The following AFG3L2 variants were observed in gnomAD, a reference collection of about 807,000 sequenced individuals.
AFG3L2 encodes the protein mitochondrial inner membrane m-AAA protease component AFG3L2.
Under a neutral mutation model 94.5 loss-of-function variants are expected in AFG3L2, and 54 were observed. That is an observed-to-expected ratio of 0.57 (90% CI 0.46 to 0.72). AFG3L2 has a LOEUF of 0.72. Among genes scored for constraint, AFG3L2 ranks in the 30% least tolerant of loss-of-function variants. The pLI, the probability that AFG3L2 is intolerant of heterozygous loss-of-function variation, is 0.00. For synonymous variants in AFG3L2, 377 were observed against 365.5 expected, an observed-to-expected ratio of 1.03 and a Z score of -0.36; for missense variants, 754 against 994.9, an observed-to-expected ratio of 0.76 and a Z score of 3.26.
intron 7 of AFG3L2, 69 bp from the exon 8 acceptor site, chr18:12,359,012 A>AT: frequency 6.5e-7 from 1 of 1,548,988 alleles, no homozygotes. Flanking sequence ...GTGGTGCAAG[A>AT]TATCAATATA....
At chr18:12,364,121 G>A (rs755614308) in intron 5 of AFG3L2, among the ~76,000 whole-genome samples, 3 of 152,166 alleles carry the variant, frequency 2.0e-5, no homozygotes, top group Admixed American at 6.5e-5. Flanking sequence ...AACCCTACAC[G>A]ATATGCACAT....
chr18:12,370,575 A>G (rs898729107), intron 3 of AFG3L2, among the ~76,000 whole-genome samples: 2 of 148,162 alleles, frequency 1.3e-5, no homozygotes, highest in African/African-American at 5.0e-5. Context: ...CTCCCACCTC[A>G]GCCTCCCAGG....
At chr18:12,337,044 A>G (rs1244551295) in intron 16 of AFG3L2, 2 of 589,056 alleles carry the variant, frequency 3.4e-6, no homozygotes, top group African/African-American at 3.7e-5. Context: ...AGTACTGTGA[A>G]CTATCTGGTG....
intron 8 of AFG3L2, 122 bp from the exon 9 acceptor site, chr18:12,356,953 C>G: frequency 1.1e-6 from 1 of 946,132 alleles, no homozygotes; most frequent in Non-Finnish European, 1.6e-6. Flanking sequence ...TTAAATATTA[C>G]TTAAACATCT....
chr18:12,347,349 C>T (rs1451750843), intron 13 of AFG3L2, among the ~76,000 whole-genome samples: 1 of 152,188 alleles, frequency 6.6e-6, no homozygotes, highest in East Asian at 1.9e-4. Flanking sequence ...GCACACCCCT[C>T]CTCTTCCGTG....
intron 12 of AFG3L2, 60 bp downstream of exon 12, chr18:12,351,025 T>C (rs1908297873): frequency 1.2e-6 from 2 of 1,600,836 alleles, no homozygotes. Flanking sequence ...AACCGGTACC[T>C]GGTAACTGTT....
At chr18:12,371,713 A>T in intron 1 of AFG3L2, 22 bp from the exon 2 acceptor site, 1 of 1,597,752 alleles carries the variant, frequency 6.3e-7, no homozygotes, top group East Asian at 2.2e-5. Context: ...CATAAAAATA[A>T]AACCATAGTT....
At chr18:12,330,759 C>T (rs553395259) in intron 16 of AFG3L2, among the ~76,000 whole-genome samples, 3 of 150,486 alleles carry the variant, frequency 2.0e-5, no homozygotes, top group Admixed American at 6.6e-5. Flanking sequence ...GCAGCCTGGG[C>T]AACAGAGCAA....
chr18:12,357,315 G>A (rs1908525945), intron 8 of AFG3L2, among the ~76,000 whole-genome samples: 1 of 152,132 alleles, frequency 6.6e-6, no homozygotes, highest in African/African-American at 2.4e-5. Flanking sequence ...TAGCATGGTT[G>A]GACGTGCAAC....
chr18:12,364,675 C>T (rs538902419), intron 5 of AFG3L2, among the ~76,000 whole-genome samples: 2 of 152,010 alleles, frequency 1.3e-5, no homozygotes, highest in African/African-American at 2.4e-5. Context: ...ATATAGGATC[C>T]TTTTTTTATT....
chr18:12,368,140 C>A (rs1444349110), intron 3 of AFG3L2, among the ~76,000 whole-genome samples: 1 of 151,492 alleles, frequency 6.6e-6, no homozygotes. Context: ...GCACTCCAGC[C>A]TGGGCAACAA....
intron 16 of AFG3L2, among the ~76,000 whole-genome samples, chr18:12,332,039 A>G (rs2143084649): frequency 6.6e-6 from 1 of 152,164 alleles, no homozygotes; most frequent in Admixed American, 6.5e-5. Flanking sequence ...TATCATGAGA[A>G]GAGGGAACAG....
At chr18:12,344,911 A>C (rs56371539) in intron 13 of AFG3L2, among the ~76,000 whole-genome samples, 12,997 of 152,280 alleles carry the variant, frequency 0.085, 752 homozygotes, top group Non-Finnish European at 0.13. Flanking sequence ...AGGTCATTTT[A>C]AAACACGCAA....
chr18:12,350,461 T>C (rs1334321822), intron 12 of AFG3L2, among the ~76,000 whole-genome samples: 1 of 152,118 alleles, frequency 6.6e-6, no homozygotes, highest in Admixed American at 6.6e-5. Context: ...ACAATATTTA[T>C]AGAAAAAAAT....
chr18:12,365,828 C>T lies in AFG3L2; in HGVS notation c.552+1137G>A, dbSNP rs1238750405. 6.6e-5 allele frequency among the ~76,000 whole-genome samples: 10 copies of T among 151,198 alleles called. No homozygotes were observed. In the East Asian group the frequency reaches 1.6e-3, roughly 23 times the overall value. ...GTTAAGGGGTTTCCCCAAGGCTACA[C>T]AGCAGGCCTAATTCTGGTGTCTATC... On this transcript the variant is annotated intron_variant, in intron 5 of 16. Coordinates refer to ENST00000269143, the MANE Select transcript of AFG3L2 (RefSeq NM_006796.3).
At chr18:12,341,804 T>A (rs1275753689) in intron 14 of AFG3L2, 1 of 152,236 alleles carries the variant, frequency 6.6e-6, no homozygotes, top group Non-Finnish European at 1.5e-5. Flanking sequence ...TCTACCTTAA[T>A]AAGAAACTGC....
intron 16 of AFG3L2, among the ~76,000 whole-genome samples, chr18:12,335,922 C>T (rs139687026): frequency 2.0e-5 from 3 of 152,326 alleles, no homozygotes; most frequent in African/African-American, 7.2e-5. Context: ...GGGTTATAGT[C>T]GGCTTCTTGA....
chr18:12,348,480 C>G (rs1285756437), intron 12 of AFG3L2, 97 bp from the exon 13 acceptor site: 8 of 907,876 alleles, frequency 8.8e-6, no homozygotes, highest in Admixed American at 5.6e-5. Context: ...ATTTTTAAAT[C>G]AGCAGTACAA....
chr18:12,354,675 A>G (rs1908434005), intron 9 of AFG3L2, among the ~76,000 whole-genome samples: 1 of 152,108 alleles, frequency 6.6e-6, no homozygotes, highest in Non-Finnish European at 1.5e-5. Flanking sequence ...CTACTCTCTG[A>G]GCACCCCCTC....
Sources: gnomAD v4.1 joint callset for allele counts (sites outside exome capture counted in the v4.1 genomes callset) on GRCh38, gnomAD v4.1.1 for gene constraint, MANE v1.5 for transcripts, NCBI Gene and HGNC (gene_info 2026-07-23, HGNC 2026-07-21) for gene names.